Variants in CACNA1S observed in about 807,000 individuals in gnomAD.
CACNA1S encodes the protein voltage-dependent L-type calcium channel subunit alpha-1S.
CACNA1S carries 126 observed loss-of-function variants against 207.4 expected under a neutral mutation model. The observed-to-expected ratio is 0.61, with a 90% CI of 0.53 to 0.70. The LOEUF is 0.70. Among genes scored for constraint, CACNA1S ranks in the 30% least tolerant of loss-of-function variants. The pLI is 0.00. For synonymous variants in CACNA1S, 960 were observed against 932.7 expected (o/e 1.03, Z -0.53); for missense variants, 2,349 against 2,422.8 (o/e 0.97, Z 0.64).
chr1:201,061,516 C>G (rs759675117), intron 24 of CACNA1S, 48 bp from the exon 25 acceptor site: 2 of 1,562,492 alleles, frequency 1.3e-6, no homozygotes, highest in East Asian at 4.5e-5. Context: ...GGTGACAAGG[C>G]AGAGAGTCAG....
At position 201,043,386 on chromosome 1, in the gene CACNA1S, G is replaced by T; in HGVS notation, c.4943C>A (p.Pro1648Gln). 3 of 1,614,110 alleles carry T rather than the reference G, an allele frequency of 1.9e-6. No homozygotes were observed. Among genetic ancestry groups the T allele is most frequent in the South Asian group, 1.1e-5 (1 of 91,084 alleles). Residue 1648 changes from proline (P) to glutamine (Q), a missense_variant, in exon 40 of 44, where the codon CCA becomes CAA. Transcript: ENST00000362061. Reference sequence around the variant, plus strand: ...CAGGGGGTTGGTGCGTGGATCTTGTGGGAAGTCCTCCAAGAAGACAGGTGA... The same window carrying T: ...CAGGGGGTTGGTGCGTGGATCTTGTTGGAAGTCCTCCAAGAAGACAGGTGA... ...MESPVFLEDF[P>Q]QDPRTNPLAR...
chr1:201,040,850 G>C (rs1660151019), intron 41 of CACNA1S, 137 bp from the exon 42 acceptor site: 1 of 698,240 alleles, frequency 1.4e-6, no homozygotes, highest in African/African-American at 1.8e-5. Context: ...AGGTGTCTTA[G>C]AGGGTGGACA....
intron 7 of CACNA1S, among the ~76,000 whole-genome samples, chr1:201,087,480 T>C (rs1165440213): frequency 1.3e-5 from 2 of 151,900 alleles, no homozygotes; most frequent in Non-Finnish European, 2.9e-5. Flanking sequence ...CTGAGGAGTG[T>C]CAAAACAGAG....
intron 34 of CACNA1S, 56 bp from the exon 35 acceptor site, chr1:201,049,155 T>C: frequency 8.0e-7 from 1 of 1,254,578 alleles, no homozygotes; most frequent in Non-Finnish European, 1.1e-6. Context: ...TGCCAGAACC[T>C]TTCTGCTCAG....
chr1:201,041,041 T>C (rs1205081860), intron 41 of CACNA1S, among the ~76,000 whole-genome samples: 1 of 152,138 alleles, frequency 6.6e-6, no homozygotes, highest in Non-Finnish European at 1.5e-5. Flanking sequence ...CACAGCAGTA[T>C]CCTTATTGCC....
At chr1:201,046,508 C>G (rs2102552183) in intron 38 of CACNA1S, among the ~76,000 whole-genome samples, 1 of 151,126 alleles carries the variant, frequency 6.6e-6, no homozygotes, top group East Asian at 2.0e-4. Flanking sequence ...TTTTAAGAGC[C>G]CTTCATGGAT....
intron 8 of CACNA1S, 109 bp downstream of exon 8, chr1:201,085,327 C>A (rs1662001124): frequency 1.4e-6 from 2 of 1,461,830 alleles, no homozygotes; most frequent in Non-Finnish European, 1.9e-6. Flanking sequence ...GTCACTCACC[C>A]TCAAAGGACT....
intron 16 of CACNA1S, among the ~76,000 whole-genome samples, chr1:201,071,696 T>C (rs867514316): frequency 6.6e-6 from 1 of 152,166 alleles, no homozygotes; most frequent in African/African-American, 2.4e-5. Flanking sequence ...TCAGCCACCA[T>C]CTCACCTGCA....
In CACNA1S at chr1:201,053,674, T is replaced by G; in HGVS notation, c.3667-87A>C. On this transcript the variant is annotated intron_variant, in intron 29 of 43. Coordinates refer to ENST00000362061, the MANE Select transcript of CACNA1S (RefSeq NM_000069.3). The surrounding 1 kb of genome is among the most constrained non-coding windows in gnomAD (Gnocchi z 5.1). ...GGCGGGGAGGGAGGTGCACTGTGTG[T>G]TTTGGGGAGATGTTTGTGGCATGGA... 1 of 1,411,674 alleles carries G rather than the reference T, an allele frequency of 7.1e-7. No individual in the cohort carries two copies. The highest frequency in any genetic ancestry group is 9.8e-7 in the Non-Finnish European group (1 of 1,015,878). The allele number at this position is 1,411,674 out of a possible 1,614,324, so 87.4% of individuals were successfully genotyped here. A position where few individuals can be genotyped will look rare whatever the true frequency, so the allele number is the denominator to read the frequency against.
intron 8 of CACNA1S, 106 bp from the exon 9 acceptor site, chr1:201,085,137 A>G (rs910072729): frequency 8.3e-6 from 7 of 839,328 alleles, no homozygotes; most frequent in African/African-American, 3.3e-5. Flanking sequence ...AGACATCTGC[A>G]ACAATGGGTC....
intron 2 of CACNA1S, among the ~76,000 whole-genome samples, chr1:201,099,209 T>G (rs1158416253): frequency 6.6e-6 from 1 of 152,226 alleles, no homozygotes; most frequent in Non-Finnish European, 1.5e-5. Flanking sequence ...AGTCTCCCTA[T>G]CTGGGACCAC....
intron 2 of CACNA1S, among the ~76,000 whole-genome samples, chr1:201,095,121 G>GGTGTGT (rs55654000): frequency 0.32 from 47,769 of 148,702 alleles, 8,936 homozygotes; most frequent in South Asian, 0.43. Flanking sequence ...AGCTCCAGGA[G>GGTGTGT]GTGTGTGTGT....
At position 201,084,978 on chromosome 1, in the gene CACNA1S, C is replaced by A. The variant is rs756022224; in HGVS notation, c.1204G>T (p.Ala402Ser). The change falls in exon 9 of 44, where the codon GCA becomes TCA. Residue 402 changes from alanine (A) to serine (S), a missense_variant. Transcript: ENST00000362061. ...GSDTESLYEIAGLNKIIQFIR... is the reference protein window; with the variant it reads ...GSDTESLYEISGLNKIIQFIR... ...AACTGGATGATTTTGTTCAAGCCTG[C>A]AATTTCATACAGGCTCTCTGTGTCA... 1.6e-5 allele frequency: 25 copies of A among 1,612,678 alleles called. No individual in the cohort carries two copies. The Admixed American group carries it at 4.2e-4, about 27-fold the overall frequency.
chr1:201,048,591 T>G lies in CACNA1S; in HGVS notation c.4432A>C (p.Lys1478Gln), dbSNP rs745558537. The G allele has an allele frequency of 3.1e-6, 5 of 1,613,220 alleles. 1 individual carries two copies. The South Asian group carries it at 4.4e-5, about 14-fold the overall frequency. The stretch of plus-strand genomic sequence containing the variant: ...TGGAAGGCACTCTCACCTTCCGTCT[T>G]GATCTTGAGTGCCGTGCGGACCAGG... ...FALVRTALKI[K>Q]TEGNFEQANE... The change falls in exon 36 of 44, where the codon AAG (lysine) becomes CAG (glutamine). Residue 1478 changes from lysine to glutamine, a missense_variant. Coordinates refer to ENST00000362061, the MANE Select transcript of CACNA1S (RefSeq NM_000069.3).
intron 22 of CACNA1S, among the ~76,000 whole-genome samples, chr1:201,063,540 C>T (rs755526726): frequency 2.6e-5 from 4 of 152,112 alleles, no homozygotes; most frequent in African/African-American, 4.8e-5. Flanking sequence ...CCGCCCGCCT[C>T]GGCTTCCCAA....
chr1:201,085,412 T>C, intron 8 of CACNA1S, 24 bp downstream of exon 8: 1 of 1,613,924 alleles, frequency 6.2e-7, no homozygotes, highest in Non-Finnish European at 8.5e-7. Flanking sequence ...GGGTGAGTGC[T>C]GACCACAGCC....
Position 201,062,035 on chromosome 1 carries a change from G to A in CACNA1S, c.2962C>T (p.Arg988Cys), listed in dbSNP as rs143722841. The A allele has an allele frequency of 2.2e-5, 35 of 1,614,020 alleles. No individual in the cohort carries two copies. In the Admixed American group the frequency reaches 2.8e-4, roughly 13 times the overall value. The change falls in exon 24 of 44, where the codon CGC becomes TGC. Residue 988 changes from arginine (R) to cysteine (C), a missense_variant. By Grantham distance (180) the Arg-to-Cys change is radical. Transcript: ENST00000362061. ...TGGAAGTCGCTGTGTACCCACTCGC[G>A]GTGACGCAGCTCTATCTGCATGGGG... ...GDPMQIELRH[R>C]EWVHSDFHFD...
intron 40 of CACNA1S, 88 bp downstream of exon 40, chr1:201,043,193 G>T: frequency 1.9e-6 from 3 of 1,555,008 alleles, no homozygotes; most frequent in East Asian, 2.2e-5. Flanking sequence ...CTACAAATTT[G>T]GGGTACCCTC....
At chr1:201,104,561 T>G (rs1285832737) in intron 2 of CACNA1S, among the ~76,000 whole-genome samples, 1 of 152,252 alleles carries the variant, frequency 6.6e-6, no homozygotes, top group Non-Finnish European at 1.5e-5. Context: ...GTGTCATAAC[T>G]TCTGCTGCTC....
Sources: allele counts gnomAD v4.1 joint callset (sites outside exome capture counted in the v4.1 genomes callset), GRCh38; gene constraint gnomAD v4.1.1; non-coding constraint Gnocchi (gnomAD v3.1); transcripts MANE v1.5; gene names NCBI Gene and HGNC (gene_info 2026-07-23, HGNC 2026-07-21).